The following SHANK2 variants were observed in gnomAD, a reference collection of about 807,000 sequenced individuals.
SHANK2 encodes SH3 and multiple ankyrin repeat domains 2.
SHANK2 carries 43 observed loss-of-function variants against 133.7 expected under a neutral mutation model. The observed-to-expected ratio is 0.32, with a 90% CI of 0.25 to 0.41. The LOEUF (loss-of-function observed/expected upper bound fraction) is 0.41, where lower values mean the gene tolerates loss of function less well. Among genes scored for constraint, SHANK2 ranks in the 10% least tolerant of loss-of-function variants. SHANK2 has a pLI of 1.00. For missense variants in SHANK2, 1,994 were observed against 2,235.8 expected (o/e 0.89, Z 2.18); for synonymous variants, 1,017 against 952.8 (o/e 1.07, Z -1.24).
chr11:70,762,430 G>T lies in SHANK2; in HGVS notation c.1777+36013C>A, dbSNP rs987667233. 3.3e-5 allele frequency among the ~76,000 whole-genome samples: 5 copies of T among 152,126 alleles called. No homozygotes were observed. In the South Asian group the frequency reaches 1.0e-3, roughly 32 times the overall value. On this transcript the variant is annotated intron_variant, in intron 14 of 25. Transcript: ENST00000601538. ...ATGAGAAGGAATGTCAGTGGTGGGG[G>T]CGCCTCTTTTGAGTCTGTATTCTGG...
At chr11:70,626,274 A>G (rs140325255) in intron 17 of SHANK2, among the ~76,000 whole-genome samples, 239 of 152,322 alleles carry the variant, frequency 1.6e-3, no homozygotes, top group African/African-American at 5.5e-3. Context: ...TCTAGATATC[A>G]CTTAGCATGC....
chr11:70,641,135 G>T (rs1412552887), intron 17 of SHANK2, among the ~76,000 whole-genome samples: 4 of 131,142 alleles, frequency 3.1e-5, no homozygotes, highest in African/African-American at 5.8e-5. Context: ...TTGCTGTGTT[G>T]CCCAGGCTGG....
chr11:70,893,159 C>T (rs1555075049), intron 11 of SHANK2, among the ~76,000 whole-genome samples: 2 of 152,244 alleles, frequency 1.3e-5, no homozygotes, highest in South Asian at 2.1e-4. Flanking sequence ...GAAGTGCTGG[C>T]CTGTAGTACT....
intron 10 of SHANK2, among the ~76,000 whole-genome samples, chr11:70,903,119 G>A (rs1332481719): frequency 4.6e-5 from 7 of 152,140 alleles, no homozygotes; most frequent in African/African-American, 1.7e-4. Context: ...GCTCATGCCT[G>A]TAATCCCAGC....
In SHANK2 at chr11:70,898,509, G is replaced by A. The variant is rs544057494; in HGVS notation, c.1108-1942C>T. Reference sequence around the variant, plus strand: ...GATATCAGATGGAGATGAAGAACACGTTACTGGAAACTGGAGGAAAAGTGA... The same window carrying A: ...GATATCAGATGGAGATGAAGAACACATTACTGGAAACTGGAGGAAAAGTGA... On this transcript the variant is annotated intron_variant, in intron 10 of 25. Transcript: ENST00000601538. Among the ~76,000 whole-genome samples, 21 of 152,202 alleles carry A rather than the reference G, an allele frequency of 1.4e-4. No homozygotes were observed. The East Asian group carries it at 2.3e-3, about 17-fold the overall frequency.
At chr11:70,574,399 A>C (rs2060089954) in intron 17 of SHANK2, among the ~76,000 whole-genome samples, 1 of 152,200 alleles carries the variant, frequency 6.6e-6, no homozygotes, top group African/African-American at 2.4e-5. Flanking sequence ...GAGGCAGGAG[A>C]ACAGGCTGGC....
chr11:70,880,250 C>T (rs1555072165), intron 11 of SHANK2, among the ~76,000 whole-genome samples: 1 of 152,196 alleles, frequency 6.6e-6, no homozygotes, highest in South Asian at 2.1e-4. Flanking sequence ...ATGAAGCCAG[C>T]CATAACTCTA....
chr11:70,814,289 A>C (rs1590713111), intron 12 of SHANK2, among the ~76,000 whole-genome samples: 1 of 150,580 alleles, frequency 6.6e-6, no homozygotes. Context: ...GTGACACTGC[A>C]CTCCAGCCTG....
At chr11:70,689,676 T>C (rs776771086) in intron 15 of SHANK2, among the ~76,000 whole-genome samples, 84 of 152,250 alleles carry the variant, frequency 5.5e-4, no homozygotes, top group Non-Finnish European at 5.4e-4. Flanking sequence ...AATTCAGAAC[T>C]GGGAACAGAA....
chr11:71,118,071 A>C lies in SHANK2; in HGVS notation c.411+758T>G, dbSNP rs549324369. ...GGAGAAGGAAAATACACCACCCATT[A>C]GGCGCTGGGAAGGAAAAATTTAAAA... On this transcript the variant is annotated intron_variant, in intron 4 of 25. Transcript: ENST00000601538. 7.2e-5 allele frequency among the ~76,000 whole-genome samples: 11 copies of C among 152,238 alleles called. No homozygotes were observed. In the South Asian group the frequency reaches 1.9e-3, roughly 26 times the overall value.
intron 14 of SHANK2, among the ~76,000 whole-genome samples, chr11:70,774,494 A>G (rs1309488472): frequency 6.6e-6 from 1 of 151,954 alleles, no homozygotes; most frequent in Non-Finnish European, 1.5e-5. Flanking sequence ...TAATTTTTGT[A>G]TTTTTAGTAG....
intron 17 of SHANK2, among the ~76,000 whole-genome samples, chr11:70,523,132 G>A (rs540191481): frequency 4.3e-4 from 65 of 152,348 alleles, no homozygotes; most frequent in African/African-American, 1.4e-3. Context: ...ATCAAAGCAC[G>A]CGGGTGGCAC....
intron 25 of SHANK2, chr11:70,474,349 C>G (rs1033501450): frequency 2.0e-5 from 3 of 152,394 alleles, no homozygotes; most frequent in African/African-American, 7.2e-5. Flanking sequence ...CCTTGCCGCT[C>G]TGGCTGGGCA....
chr11:70,548,012 C>A (rs1554976740), intron 17 of SHANK2, among the ~76,000 whole-genome samples: 1 of 152,234 alleles, frequency 6.6e-6, no homozygotes, highest in African/African-American at 2.4e-5. Context: ...GTGTGGCTGG[C>A]ATCAGCATCC....
Position 70,472,480 on chromosome 11 carries a change from A to G in SHANK2, c.*389T>C, listed in dbSNP as rs2058608603. Reference sequence around the variant, plus strand: ...GTGAGAGCTGCCCGGAAAGCAGAGGACGGAGGTCTCAGGAGGTATCTAGAG... The same window carrying G: ...GTGAGAGCTGCCCGGAAAGCAGAGGGCGGAGGTCTCAGGAGGTATCTAGAG... On this transcript the variant is annotated 3_prime_UTR_variant, in exon 26 of 26. Transcript: ENST00000601538. The surrounding 1 kb of genome is among the most constrained non-coding windows in gnomAD (Gnocchi z 4.4). 1 of 294,634 alleles carries G rather than the reference A, an allele frequency of 3.4e-6. No homozygotes were observed. Among genetic ancestry groups the G allele is most frequent in the South Asian group, 3.6e-5 (1 of 28,064 alleles). 18.3% of individuals were successfully genotyped at this position (294,634 alleles called of 1,614,324 possible). A position where few individuals can be genotyped will look rare whatever the true frequency, so the allele number is the denominator to read the frequency against.
In SHANK2 at chr11:71,082,562, C is replaced by T. The variant is rs967712463; in HGVS notation, c.913-7287G>A. Among the ~76,000 whole-genome samples, 34 of 152,328 alleles carry T rather than the reference C, an allele frequency of 2.2e-4. No homozygotes were observed. The South Asian group carries it at 5.0e-3, about 22-fold the overall frequency. ...CACGCTGGGCTGTACACAGTCCCACCCTGGCAGGAAGGTAACCAGAAAGCT... is the reference window on the plus strand; with the variant it reads ...CACGCTGGGCTGTACACAGTCCCACTCTGGCAGGAAGGTAACCAGAAAGCT... On this transcript the variant is annotated intron_variant, in intron 8 of 25. Coordinates refer to ENST00000601538, the MANE Select transcript of SHANK2 (RefSeq NM_012309.5).
intron 14 of SHANK2, among the ~76,000 whole-genome samples, chr11:70,700,468 G>T (rs1276085981): frequency 5.9e-5 from 9 of 152,094 alleles, no homozygotes; most frequent in African/African-American, 1.2e-4. Flanking sequence ...CCAAAAAGAC[G>T]CATTGCACGA....
intron 9 of SHANK2, among the ~76,000 whole-genome samples, chr11:71,071,986 C>A (rs1052738286): frequency 5.8e-4 from 89 of 152,312 alleles, no homozygotes; most frequent in African/African-American, 2.1e-3. Flanking sequence ...CCAGCCCACG[C>A]TGCTCTGCCG....
chr11:70,907,411 C>T (rs528283408), intron 10 of SHANK2, among the ~76,000 whole-genome samples: 18 of 152,308 alleles, frequency 1.2e-4, no homozygotes, highest in Non-Finnish European at 1.8e-4. Flanking sequence ...CAGGCTTGGA[C>T]GTTGGACAGC....
Sources: allele counts gnomAD v4.1 joint callset (sites outside exome capture counted in the v4.1 genomes callset), GRCh38; gene constraint gnomAD v4.1.1; non-coding constraint Gnocchi (gnomAD v3.1); transcripts MANE v1.5; gene names NCBI Gene and HGNC (gene_info 2026-07-23, HGNC 2026-07-21).